The following CCDC7 variants were observed in gnomAD, a reference collection of about 807,000 sequenced individuals.
CCDC7 encodes the protein coiled-coil domain-containing protein 7.
Under a neutral mutation model 196.9 loss-of-function variants are expected in CCDC7, and 183 were observed. The observed-to-expected ratio is 0.93, with a 90% CI of 0.82 to 1.05. CCDC7 has a LOEUF of 1.05. CCDC7 is among the 50% of genes least tolerant of loss of function. The pLI is 0.00. For synonymous variants in CCDC7, 525 were observed against 484.6 expected (o/e 1.08, Z -1.10); for missense variants, 1,540 against 1,482.2 (o/e 1.04, Z -0.64).
At chr10:32,855,366 T>C (rs573302881) in intron 41 of CCDC7, among the ~76,000 whole-genome samples, 46 of 152,326 alleles carry the variant, frequency 3.0e-4, no homozygotes, top group African/African-American at 1.1e-3. Flanking sequence ...ACTATATTTC[T>C]ATTATTATTA....
At chr10:32,669,001 A>T (rs955825200) in intron 21 of CCDC7, among the ~76,000 whole-genome samples, 5 of 152,108 alleles carry the variant, frequency 3.3e-5, no homozygotes, top group Non-Finnish European at 5.9e-5. Flanking sequence ...CTCTCAACTT[A>T]CTACCATTAA....
exon 19 of CCDC7, chr10:32,634,356 G>T: frequency 8.9e-7 from 1 of 1,117,508 alleles, no homozygotes; most frequent in Non-Finnish European, 1.1e-6. Context: ...AGTATGGAAA[G>T]ACATGAGGGT....
At chr10:32,537,078 C>T (rs938258477) in intron 11 of CCDC7, among the ~76,000 whole-genome samples, 6 of 152,160 alleles carry the variant, frequency 3.9e-5, no homozygotes, top group African/African-American at 1.2e-4. Context: ...AATCACTACA[C>T]TGCTTTCTAC....
chr10:32,697,231 AC>A (rs2077860195), intron 24 of CCDC7, among the ~76,000 whole-genome samples: 1 of 152,192 alleles, frequency 6.6e-6, no homozygotes, highest in Non-Finnish European at 1.5e-5. Flanking sequence ...CCGAATAGGA[AC>A]AGCTCCAGGC....
rs1333759508 is a variant in CCDC7 at position 32,473,958 on chromosome 10, T to C, written c.740-9T>C. Reference sequence around the variant, plus strand: ...GAAGTTTATAGTGACAAATACACTTTTACTTCAGAATTCTTAGAAGCCCAC... The same window carrying C: ...GAAGTTTATAGTGACAAATACACTTCTACTTCAGAATTCTTAGAAGCCCAC... On this transcript the variant is annotated splice_polypyrimidine_tract_variant and intron_variant, in intron 7 of 41. Coordinates refer to ENST00000639629, the Ensembl canonical transcript of CCDC7. The C allele has an allele frequency of 3.1e-6, 5 of 1,603,928 alleles. No homozygotes were observed. Among genetic ancestry groups the C allele is most frequent in the Non-Finnish European group, 4.3e-6 (5 of 1,176,036 alleles).
At chr10:32,529,513 C>G (rs935433783) in intron 11 of CCDC7, among the ~76,000 whole-genome samples, 5 of 152,154 alleles carry the variant, frequency 3.3e-5, no homozygotes, top group Admixed American at 1.3e-4. Context: ...TCATATTTCC[C>G]TGATCATTAG....
exon 6 of CCDC7, chr10:32,471,194 C>A: frequency 6.2e-7 from 1 of 1,610,316 alleles, no homozygotes; most frequent in East Asian, 2.2e-5. Flanking sequence ...AAACAGAGGT[C>A]TAAATCCTCC....
At chr10:32,578,502 G>T (rs1470520686) in intron 16 of CCDC7, among the ~76,000 whole-genome samples, 2 of 151,448 alleles carry the variant, frequency 1.3e-5, no homozygotes, top group Non-Finnish European at 2.9e-5. Flanking sequence ...CCATCTGGGG[G>T]TGATGGGAGA....
At chr10:32,769,994 C>T (rs1298862274) in intron 28 of CCDC7, among the ~76,000 whole-genome samples, 4 of 152,048 alleles carry the variant, frequency 2.6e-5, no homozygotes, top group Non-Finnish European at 5.9e-5. Flanking sequence ...AGGTATATAC[C>T]CAGTAATGGG....
intron 11 of CCDC7, among the ~76,000 whole-genome samples, chr10:32,529,739 A>G (rs1188461316): frequency 6.6e-6 from 1 of 151,954 alleles, no homozygotes; most frequent in African/African-American, 2.4e-5. Context: ...TACTCTGTTG[A>G]TTGTTTCTTT....
intron 21 of CCDC7, among the ~76,000 whole-genome samples, chr10:32,670,058 C>T (rs975481990): frequency 2.0e-5 from 3 of 152,102 alleles, no homozygotes; most frequent in Non-Finnish European, 4.4e-5. Flanking sequence ...GGATTGGATA[C>T]TTATTTCTGG....
At chr10:32,838,728 G>A (rs1003330147) in intron 33 of CCDC7, among the ~76,000 whole-genome samples, 5 of 151,980 alleles carry the variant, frequency 3.3e-5, no homozygotes, top group African/African-American at 9.7e-5. Flanking sequence ...TAAGAGCTGC[G>A]AGGCAAAAGC....
intron 16 of CCDC7, among the ~76,000 whole-genome samples, chr10:32,577,701 G>A (rs553211504): frequency 6.6e-6 from 1 of 152,284 alleles, no homozygotes; most frequent in South Asian, 2.1e-4. Flanking sequence ...GTTTAAAACA[G>A]CAGAGGGATC....
At chr10:32,585,783 A>C (rs1335965401) in intron 18 of CCDC7, among the ~76,000 whole-genome samples, 1 of 152,150 alleles carries the variant, frequency 6.6e-6, no homozygotes, top group African/African-American at 2.4e-5. Context: ...ATTGATGGGC[A>C]TTTGGGTTGG....
intron 28 of CCDC7, among the ~76,000 whole-genome samples, chr10:32,778,593 T>C (rs1437854369): frequency 1.3e-5 from 2 of 152,244 alleles, no homozygotes; most frequent in East Asian, 3.8e-4. Flanking sequence ...CCCTGTAATA[T>C]AGTTTCAAGT....
chr10:32,464,914 TATTTG>T (rs1362222311), intron 5 of CCDC7, among the ~76,000 whole-genome samples: 3 of 152,206 alleles, frequency 2.0e-5, no homozygotes, highest in Admixed American at 2.0e-4. Flanking sequence ...TTCTATCTCT[TATTTG>T]ATCCACATTC....
At chr10:32,694,633 A>C (rs1020599324) in intron 23 of CCDC7, among the ~76,000 whole-genome samples, 4 of 152,172 alleles carry the variant, frequency 2.6e-5, no homozygotes, top group African/African-American at 9.7e-5. Flanking sequence ...CTAAAGTATA[A>C]ATAACATAAG....
chr10:32,849,393 T>C (rs566895313), intron 39 of CCDC7, among the ~76,000 whole-genome samples: 1 of 151,812 alleles, frequency 6.6e-6, no homozygotes, highest in African/African-American at 2.4e-5. Flanking sequence ...AAATAGAAAC[T>C]TTACTGGTTG....
chr10:32,701,548 G>A (rs1327388973), intron 24 of CCDC7, among the ~76,000 whole-genome samples: 2 of 152,194 alleles, frequency 1.3e-5, no homozygotes, highest in African/African-American at 2.4e-5. Context: ...AGTTAGGGAG[G>A]ATTCCCTCTT....
Sources: allele counts gnomAD v4.1 joint callset (sites outside exome capture counted in the v4.1 genomes callset), GRCh38; gene constraint gnomAD v4.1.1; transcripts MANE v1.5; gene names NCBI Gene and HGNC (gene_info 2026-07-23, HGNC 2026-07-21).